The following FMNL2 variants were observed in gnomAD, a reference collection of about 807,000 sequenced individuals.
FMNL2 encodes the protein formin-like protein 2.
A neutral mutation model predicts 130.2 loss-of-function variants in FMNL2; 51 were observed. That is an observed-to-expected ratio of 0.39 (90% CI 0.31 to 0.49). The LOEUF is 0.49. Among genes scored for constraint, FMNL2 ranks in the 20% least tolerant of loss-of-function variants. FMNL2 has a pLI of 0.85. For synonymous variants in FMNL2, 465 were observed against 467.1 expected, an observed-to-expected ratio of 1.00 and a Z score of 0.06; for missense variants, 977 against 1,316.2, an observed-to-expected ratio of 0.74 and a Z score of 3.99.
At position 152,482,941 on chromosome 2, in the gene FMNL2, C is replaced by T. The variant is rs76521038; in HGVS notation, c.118-39002C>T. The stretch of plus-strand genomic sequence containing the variant: ...TCTTGTAGGCAGTCTCTCCTGGGGT[C>T]TTCTGTTTCATGAGTCAGAGGCTTA... On this transcript the variant is annotated intron_variant, in intron 1 of 25. Transcript: ENST00000288670. Among the ~76,000 whole-genome samples, 1,480 of 152,158 alleles carry T rather than the reference C, an allele frequency of 9.7e-3. 6 individuals are homozygous for T. The highest frequency in any genetic ancestry group is 0.016 in the Non-Finnish European group (1,108 of 67,994).
rs771522659 is a variant in FMNL2, at chr2:152,647,806, C to A, written c.3180C>A (p.Asn1060Lys). ...AIEDIITDLR[N>K]QPYRRADAVR... The stretch of plus-strand genomic sequence containing the variant: ...CTCTCCCCTTTACAGATCTTAGAAA[C>A]CAACCATACAGACGAGCCGATGCGG... The change falls in exon 26 of 26, where the codon AAC becomes AAA. Residue 1060 changes from asparagine (N) to lysine (K), a missense_variant. Around this residue, in one of 4 missense-constraint regions of FMNL2, gnomAD observed 168 missense variants for 168.8 expected, o/e 1.00. Coordinates refer to ENST00000288670, the MANE Select transcript of FMNL2 (RefSeq NM_052905.4). The A allele has an allele frequency of 6.2e-7, 1 of 1,613,904 alleles. No individual in the cohort carries two copies. The highest frequency in any genetic ancestry group is 8.5e-7 in the Non-Finnish European group (1 of 1,179,842).
intron 1 of FMNL2, among the ~76,000 whole-genome samples, chr2:152,405,297 G>T (rs934588891): frequency 6.6e-6 from 1 of 152,110 alleles, no homozygotes; most frequent in African/African-American, 2.4e-5. Context: ...CTTCCTTTCT[G>T]GTCTTTTTTG....
intron 9 of FMNL2, among the ~76,000 whole-genome samples, chr2:152,590,925 C>G (rs1309512682): frequency 6.8e-6 from 1 of 146,824 alleles, no homozygotes; most frequent in Non-Finnish European, 1.5e-5. Context: ...AAGTAATAAT[C>G]CCTCACGTGG....
At chr2:152,617,887 T>A (rs777224027) in intron 13 of FMNL2, among the ~76,000 whole-genome samples, 65 of 152,240 alleles carry the variant, frequency 4.3e-4, no homozygotes, top group Admixed American at 4.6e-4. Context: ...GTGATGGTTA[T>A]CGTGTCTGTG....
At chr2:152,606,339 A>G (rs916949558) in intron 9 of FMNL2, among the ~76,000 whole-genome samples, 2 of 152,226 alleles carry the variant, frequency 1.3e-5, no homozygotes, top group Non-Finnish European at 2.9e-5. Flanking sequence ...GGTGAAATGA[A>G]TAAACCAGTG....
At chr2:152,406,497 AT>A (rs1444628752) in intron 1 of FMNL2, among the ~76,000 whole-genome samples, 1 of 152,218 alleles carries the variant, frequency 6.6e-6, no homozygotes, top group Admixed American at 6.5e-5. Context: ...AAATGATGTG[AT>A]TGAAGATATT....
intron 1 of FMNL2, among the ~76,000 whole-genome samples, chr2:152,396,282 T>A (rs1685389044): frequency 6.6e-6 from 1 of 152,232 alleles, no homozygotes; most frequent in South Asian, 2.1e-4. Context: ...GTTTTCTGCC[T>A]TAGAAGTCAT....
At chr2:152,367,566 A>G (rs552985759) in intron 1 of FMNL2, among the ~76,000 whole-genome samples, 1 of 152,318 alleles carries the variant, frequency 6.6e-6, no homozygotes, top group East Asian at 1.9e-4. Context: ...CCCCATGAGC[A>G]CTGGTAATTT....
chr2:152,640,043 AG>A lies in FMNL2; in HGVS notation c.3033del (p.Gln1011HisfsTer18). 6.4e-7 allele frequency: 1 copy of A among 1,552,738 alleles called. No homozygotes were observed. On this transcript the variant is annotated frameshift_variant, in exon 24 of 26. Coordinates refer to ENST00000288670, the MANE Select transcript of FMNL2 (RefSeq NM_052905.4). LOFTEE classifies it high-confidence loss of function. ...CTAGAGCAAGAAGCTCTGATGGAGC[AG>A]CAGGATCCAAAGGTAAGAAGTGCCG... ...KLLEQEALME[Q>X]QDPKSPSHKS... is the part of the protein sequence containing the mutation.
chr2:152,619,116 C>T lies in FMNL2; in HGVS notation c.1585C>T (p.Pro529Ser), dbSNP rs1271283054. ...CGCTTCCTCAGGACCCTTGCCCCCT[C>T]CTCCACCACCACTGCCTCCCTCATC... ...GAASSGPLPP[P>S]PPPLPPSSDT... Residue 529 changes from proline (P) to serine (S), a missense_variant, in exon 14 of 26, where the codon CCT becomes TCT. Around this residue, in one of 4 missense-constraint regions of FMNL2, gnomAD observed 689 missense variants for 995.9 expected, o/e 0.69. Transcript: ENST00000288670. The T allele has an allele frequency of 1.3e-6, 2 of 1,598,654 alleles. No homozygotes were observed. Among genetic ancestry groups the T allele is most frequent in the African/African-American group, 1.3e-5 (1 of 74,536 alleles).
intron 1 of FMNL2, among the ~76,000 whole-genome samples, chr2:152,453,496 G>C (rs997645725): frequency 3.3e-5 from 5 of 152,156 alleles, no homozygotes; most frequent in Non-Finnish European, 7.4e-5. Context: ...GGATTGCCAG[G>C]ACGCTTGTTT....
At chr2:152,598,800 A>G (rs993971738) in intron 9 of FMNL2, among the ~76,000 whole-genome samples, 1 of 152,248 alleles carries the variant, frequency 6.6e-6, no homozygotes, top group Non-Finnish European at 1.5e-5. Flanking sequence ...AGACAACAGG[A>G]CATCTATAGA....
At chr2:152,441,448 G>A (rs1047650502) in intron 1 of FMNL2, among the ~76,000 whole-genome samples, 4 of 151,762 alleles carry the variant, frequency 2.6e-5, no homozygotes, top group African/African-American at 2.4e-5. Flanking sequence ...GAGGCAGGAG[G>A]ATTCTTGAGC....
intron 1 of FMNL2, among the ~76,000 whole-genome samples, chr2:152,336,221 G>A (rs1010645952): frequency 6.6e-6 from 1 of 152,134 alleles, no homozygotes; most frequent in Non-Finnish European, 1.5e-5. Flanking sequence ...GCGCCGCGCC[G>A]GGCGGTGAGC....
chr2:152,520,570 GGGCAACA>G (rs1382149029), intron 1 of FMNL2, among the ~76,000 whole-genome samples: 4 of 150,618 alleles, frequency 2.7e-5, no homozygotes, highest in African/African-American at 9.7e-5. Flanking sequence ...ACTACAGCCT[GGGCAACA>G]GGAGTGAAAC....
At chr2:152,515,917 A>G (rs762433978) in intron 1 of FMNL2, among the ~76,000 whole-genome samples, 20 of 152,112 alleles carry the variant, frequency 1.3e-4, no homozygotes, top group Admixed American at 3.3e-4. Context: ...GGTGTTTACT[A>G]ATTTCATTTG....
chr2:152,418,076 G>A (rs909747851), intron 1 of FMNL2, among the ~76,000 whole-genome samples: 1 of 151,958 alleles, frequency 6.6e-6, no homozygotes, highest in African/African-American at 2.4e-5. Context: ...GAACTCCTGA[G>A]CTCAGATAAT....
intron 1 of FMNL2, among the ~76,000 whole-genome samples, chr2:152,345,923 G>GC (rs1181960875): frequency 2.0e-5 from 3 of 152,168 alleles, no homozygotes; most frequent in Non-Finnish European, 2.9e-5. Flanking sequence ...TTTTTGGAAA[G>GC]CATTGTTTGG....
intron 18 of FMNL2, 97 bp from the exon 19 acceptor site, chr2:152,629,559 A>G (rs1682029490): frequency 1.9e-6 from 2 of 1,079,168 alleles, no homozygotes; most frequent in Non-Finnish European, 2.7e-6. Context: ...CTCTAAATGC[A>G]GGCCTGTTTT....
Sources: allele counts gnomAD v4.1 joint callset (sites outside exome capture counted in the v4.1 genomes callset), GRCh38; gene constraint gnomAD v4.1.1; regional missense constraint gnomAD v4.1.1; transcripts MANE v1.5; gene names NCBI Gene and HGNC (gene_info 2026-07-23, HGNC 2026-07-21).